Variants in ASAP1 observed in about 807,000 individuals in gnomAD.
ASAP1 encodes the protein arf-GAP with SH3 domain, ANK repeat and PH domain-containing protein 1.
Under a neutral mutation model 145.2 loss-of-function variants are expected in ASAP1, and 43 were observed. That is an observed-to-expected ratio of 0.30 (90% CI 0.23 to 0.38). ASAP1 has a LOEUF of 0.38. Among genes scored for constraint, ASAP1 ranks in the 10% least tolerant of loss-of-function variants. The probability of loss-of-function intolerance (pLI) is 1.00; values close to 1 mark genes in which losing one functional copy is unlikely to be tolerated. For missense variants in ASAP1, 1,018 were observed against 1,355.3 expected, an observed-to-expected ratio of 0.75 and a Z score of 3.91; for synonymous variants, 546 against 515.5, an observed-to-expected ratio of 1.06 and a Z score of -0.80.
At chr8:130,124,666 T>G (rs542088631) in intron 17 of ASAP1, among the ~76,000 whole-genome samples, 1 of 152,190 alleles carries the variant, frequency 6.6e-6, no homozygotes, top group South Asian at 2.1e-4. Flanking sequence ...CTAAGAAAAT[T>G]TGTTCTGAAG....
chr8:130,082,560 G>A (rs1008134043), intron 25 of ASAP1, among the ~76,000 whole-genome samples: 1 of 148,422 alleles, frequency 6.7e-6, no homozygotes, highest in Non-Finnish European at 1.5e-5. Context: ...TGGGAGTGCA[G>A]TGGCATAATC....
intron 9 of ASAP1, among the ~76,000 whole-genome samples, chr8:130,173,238 A>G (rs1271101604): frequency 6.6e-6 from 1 of 152,242 alleles, no homozygotes; most frequent in Non-Finnish European, 1.5e-5. Context: ...GAATAAAATA[A>G]CCATGGCAGT....
intron 23 of ASAP1, among the ~76,000 whole-genome samples, chr8:130,114,268 A>G (rs1383602956): frequency 6.6e-6 from 1 of 152,250 alleles, no homozygotes; most frequent in Admixed American, 6.5e-5. Context: ...CTACACACCT[A>G]GGCTATATGG....
At chr8:130,398,006 C>G (rs1409468839) in intron 2 of ASAP1, among the ~76,000 whole-genome samples, 1 of 152,172 alleles carries the variant, frequency 6.6e-6, no homozygotes, top group Non-Finnish European at 1.5e-5. Flanking sequence ...ATGAATGAAT[C>G]AATCAGTCAG....
intron 22 of ASAP1, among the ~76,000 whole-genome samples, chr8:130,116,370 T>C (rs1287919973): frequency 6.6e-6 from 1 of 152,260 alleles, no homozygotes; most frequent in Non-Finnish European, 1.5e-5. Context: ...AATAATTCTT[T>C]ACTATTAAGC....
chr8:130,171,279 T>C (rs1813579538), intron 9 of ASAP1, among the ~76,000 whole-genome samples: 1 of 152,134 alleles, frequency 6.6e-6, no homozygotes, highest in Non-Finnish European at 1.5e-5. Context: ...TCTATACCTG[T>C]GTAGTAGTAC....
intron 18 of ASAP1, among the ~76,000 whole-genome samples, chr8:130,123,196 G>A (rs1008233100): frequency 2.6e-5 from 4 of 152,292 alleles, no homozygotes; most frequent in Non-Finnish European, 5.9e-5. Context: ...ATTCCCAGGA[G>A]TGGGACTGCT....
At chr8:130,162,638 GA>G (rs2097671652) in intron 11 of ASAP1, among the ~76,000 whole-genome samples, 1 of 151,720 alleles carries the variant, frequency 6.6e-6, no homozygotes, top group Admixed American at 6.6e-5. Flanking sequence ...CTAACACGGT[GA>G]AACCCCGTCT....
chr8:130,113,636 C>CT (rs5895039), intron 23 of ASAP1, among the ~76,000 whole-genome samples: 24,423 of 152,184 alleles, frequency 0.16, 2,580 homozygotes, highest in East Asian at 0.44. Flanking sequence ...TAGTTAACTG[C>CT]TTATAAGGAA....
intron 5 of ASAP1, among the ~76,000 whole-genome samples, chr8:130,210,497 A>G (rs945370429): frequency 6.6e-6 from 1 of 152,174 alleles, no homozygotes; most frequent in East Asian, 1.9e-4. Flanking sequence ...GAGAACTACC[A>G]TCTAACACTC....
intron 1 of ASAP1, among the ~76,000 whole-genome samples, chr8:130,420,461 T>C (rs377099619): frequency 1.3e-5 from 2 of 152,058 alleles, no homozygotes; most frequent in East Asian, 3.9e-4. Flanking sequence ...AAATAAATAC[T>C]TGTAAATGAA....
intron 3 of ASAP1, among the ~76,000 whole-genome samples, chr8:130,311,350 A>G (rs922891384): frequency 3.3e-5 from 5 of 152,268 alleles, no homozygotes; most frequent in Non-Finnish European, 7.3e-5. Context: ...TACGTCTAAA[A>G]TAACAATAGC....
intron 3 of ASAP1, among the ~76,000 whole-genome samples, chr8:130,351,739 C>CT (rs1473987551): frequency 3.9e-5 from 6 of 152,132 alleles, no homozygotes; most frequent in Non-Finnish European, 8.8e-5. Flanking sequence ...GATGATGATG[C>CT]TAAACCATTC....
intron 15 of ASAP1, among the ~76,000 whole-genome samples, chr8:130,129,184 G>A (rs768689058): frequency 3.9e-5 from 6 of 152,116 alleles, no homozygotes; most frequent in Non-Finnish European, 7.3e-5. Flanking sequence ...GTCTCCTGAG[G>A]CCTCCCCAGC....
rs73427312 is a variant in ASAP1 at position 130,210,807 on chromosome 8, G to A, written c.405+3749C>T. On this transcript the variant is annotated intron_variant, in intron 5 of 29. Coordinates refer to ENST00000518721, the MANE Select transcript of ASAP1 (RefSeq NM_018482.4). ...TTTGGTGCATCTATCTCTAAAATGG[G>A]ATATGACTGATAGCTGTCTTTACAC... Among the ~76,000 whole-genome samples the A allele has an allele frequency of 7.0e-3, 1,065 of 152,258 alleles. 12 individuals are homozygous for A. Among genetic ancestry groups the A allele is most frequent in the African/African-American group, 0.025 (1,029 of 41,542 alleles).
At chr8:130,098,301 T>C (rs1374651057) in intron 24 of ASAP1, among the ~76,000 whole-genome samples, 5 of 152,160 alleles carry the variant, frequency 3.3e-5, no homozygotes, top group Non-Finnish European at 7.3e-5. Flanking sequence ...GCTAGAACTT[T>C]CAGGGACATA....
At chr8:130,431,726 T>G (rs1210660393) in intron 1 of ASAP1, among the ~76,000 whole-genome samples, 1 of 151,752 alleles carries the variant, frequency 6.6e-6, no homozygotes, top group African/African-American at 2.4e-5. Flanking sequence ...TGGCCCCCAT[T>G]CATATGAGAG....
intron 4 of ASAP1, among the ~76,000 whole-genome samples, chr8:130,226,472 G>A (rs1282226961): frequency 4.6e-5 from 7 of 152,126 alleles, no homozygotes; most frequent in Non-Finnish European, 7.4e-5. Flanking sequence ...AAAATCCTTG[G>A]AGGCAGAAAG....
In ASAP1 at chr8:130,082,714, A is replaced by ATTTTTTTT. The variant is rs10678353; in HGVS notation, c.2573-2751_2573-2744dup. 3.2e-4 allele frequency: 26 copies of ATTTTTTTT among 80,800 alleles called. 1 individual carries two copies. The highest frequency in any genetic ancestry group is 8.8e-4 in the African/African-American group (19 of 21,558). The allele number at this position is 80,800 out of a possible 1,614,324, so 5.0% of individuals were successfully genotyped here. ...TTGTAGAGACAAGGTCTCATTACTA[A>ATTTTTTTT]TTTTTTTTTTTTTTTTTTTTTTTGG... On this transcript the variant is annotated intron_variant, in intron 25 of 29. Transcript: ENST00000518721.
Sources: allele counts gnomAD v4.1 joint callset (sites outside exome capture counted in the v4.1 genomes callset), GRCh38; gene constraint gnomAD v4.1.1; transcripts MANE v1.5; gene names NCBI Gene and HGNC (gene_info 2026-07-23, HGNC 2026-07-21).